CTCF: variants seen among roughly 807,000 people sequenced by gnomAD.
The protein encoded by CTCF is transcriptional repressor CTCF.
CTCF carries 7 observed loss-of-function variants against 72.3 expected under a neutral mutation model. The ratio of observed to expected loss-of-function variants is 0.10; its 90% CI spans 0.06 to 0.18. CTCF has a LOEUF of 0.18. CTCF is among the 10% of genes least tolerant of loss of function. The pLI is 1.00. For missense variants in CTCF, 516 were observed against 949.1 expected (o/e 0.54, Z 6.00); for synonymous variants, 374 against 315.8 (o/e 1.18, Z -1.95).
chr16:67,573,246 CA>C (rs1303938924), intron 2 of CTCF, among the ~76,000 whole-genome samples: 1 of 150,418 alleles, frequency 6.6e-6, no homozygotes, highest in Non-Finnish European at 1.5e-5. Context: ...GACTCTGTCT[CA>C]AAAAAACAAC....
chr16:67,636,559 G>T, intron 10 of CTCF, 131 bp from the exon 11 acceptor site: 15 of 260,052 alleles, frequency 5.8e-5, no homozygotes, highest in Non-Finnish European at 8.4e-5. Context: ...AAAAAAAAAA[G>T]AAAGAAAGTG....
chr16:67,628,628 A>G (rs563771339), intron 9 of CTCF, 76 bp downstream of exon 9: 1 of 1,435,126 alleles, frequency 7.0e-7, no homozygotes, highest in East Asian at 2.3e-5. Flanking sequence ...AGAGCATGGT[A>G]GTTTTTTTCA....
chr16:67,587,284 G>A (rs920569140), intron 2 of CTCF, among the ~76,000 whole-genome samples: 1 of 151,854 alleles, frequency 6.6e-6, no homozygotes, highest in Non-Finnish European at 1.5e-5. Flanking sequence ...GATTGTTGTC[G>A]AAGACATTAT....
chr16:67,597,881 A>G (rs1008049908), intron 2 of CTCF, among the ~76,000 whole-genome samples: 1 of 152,126 alleles, frequency 6.6e-6, no homozygotes, highest in Non-Finnish European at 1.5e-5. Context: ...AGCTTTATGG[A>G]TATAGATAAT....
At chr16:67,604,730 G>GTTTTT (rs533827293) in intron 2 of CTCF, among the ~76,000 whole-genome samples, 39 of 123,702 alleles carry the variant, frequency 3.2e-4, no homozygotes, top group African/African-American at 9.1e-4. Flanking sequence ...TTTCACCAGG[G>GTTTTT]TTTTTTTTTT....
intron 2 of CTCF, among the ~76,000 whole-genome samples, chr16:67,575,491 C>G (rs2051483282): frequency 6.6e-6 from 1 of 152,086 alleles, no homozygotes; most frequent in African/African-American, 2.4e-5. Flanking sequence ...TGTCGCCAGG[C>G]TGGAGTGCAG....
chr16:67,607,735 C>T lies in CTCF; in HGVS notation c.-9-3089C>T, dbSNP rs181080591. Among the ~76,000 whole-genome samples the T allele has an allele frequency of 3.4e-4, 51 of 151,182 alleles. No homozygotes were observed. The East Asian group carries it at 6.7e-3, about 20-fold the overall frequency. On this transcript the variant is annotated intron_variant, in intron 2 of 11. Transcript: ENST00000264010. The stretch of plus-strand genomic sequence containing the variant: ...GGGCACAGTGCTAAAGAGTAAAAAC[C>T]GTGGCTGGGCGTGGTGGCTCACGCC...
intron 2 of CTCF, among the ~76,000 whole-genome samples, chr16:67,586,603 A>G (rs62059332): frequency 1.1e-4 from 16 of 152,156 alleles, no homozygotes; most frequent in Non-Finnish European, 1.6e-4. Context: ...CTGAGGCACA[A>G]GAATTGCTTG....
chr16:67,574,029 CA>C (rs201099111), intron 2 of CTCF, among the ~76,000 whole-genome samples: 82 of 141,074 alleles, frequency 5.8e-4, no homozygotes, highest in South Asian at 4.1e-3. Context: ...GACTCCATCT[CA>C]AAAAAAAAAA....
intron 2 of CTCF, among the ~76,000 whole-genome samples, chr16:67,606,000 A>G (rs942116568): frequency 1.4e-4 from 21 of 152,202 alleles, no homozygotes; most frequent in African/African-American, 2.9e-4. Flanking sequence ...GTAGAGACAC[A>G]CTTTTTGAGG....
At chr16:67,569,464 G>A (rs1259720322) in intron 1 of CTCF, among the ~76,000 whole-genome samples, 1 of 152,170 alleles carries the variant, frequency 6.6e-6, no homozygotes, top group African/African-American at 2.4e-5. Context: ...GATTACAGGT[G>A]TGAGCCATTG....
chr16:67,629,746 C>CTTTTTTTTTTTTTTTT lies in CTCF; in HGVS notation c.1837+244_1837+259dup, dbSNP rs71145978. Among the ~76,000 whole-genome samples the CTTTTTTTTTTTTTTTT allele has an allele frequency of 1.6e-4, 10 of 63,362 alleles. 3 individuals are homozygous for CTTTTTTTTTTTTTTTT. The highest frequency in any genetic ancestry group is 4.6e-4 in the Admixed American group (2 of 4,334). 41.6% of individuals were successfully genotyped at this position (63,362 alleles called of 152,430 possible). A position where few individuals can be genotyped will look rare whatever the true frequency, so the allele number is the denominator to read the frequency against. ...TCGTGGCATTCCGCTCATTAATGCC[C>CTTTTTTTTTTTTTTTT]TTTTTTTTTTTTTTTTTTTTTTTTT... On this transcript the variant is annotated intron_variant, in intron 10 of 11. Coordinates refer to ENST00000264010, the MANE Select transcript of CTCF (RefSeq NM_006565.4).
intron 2 of CTCF, among the ~76,000 whole-genome samples, chr16:67,576,212 C>T (rs1337165058): frequency 6.8e-6 from 1 of 147,882 alleles, no homozygotes; most frequent in Non-Finnish European, 1.5e-5. Context: ...TTTTTAATAG[C>T]ATAATACCAA....
chr16:67,629,868 G>A (rs537351541), intron 10 of CTCF, among the ~76,000 whole-genome samples: 3 of 137,658 alleles, frequency 2.2e-5, no homozygotes, highest in East Asian at 2.3e-4. Flanking sequence ...TCAGCCTCCC[G>A]GGTTCACGCC....
chr16:67,579,036 C>T (rs1475728400), intron 2 of CTCF, among the ~76,000 whole-genome samples: 1 of 151,854 alleles, frequency 6.6e-6, no homozygotes, highest in African/African-American at 2.4e-5. Flanking sequence ...GCGTGGATCA[C>T]CTGAGGTCAG....
At chr16:67,579,342 A>G (rs1187508628) in intron 2 of CTCF, among the ~76,000 whole-genome samples, 2 of 151,990 alleles carry the variant, frequency 1.3e-5, no homozygotes, top group East Asian at 3.9e-4. Flanking sequence ...AGTTGTTTTC[A>G]ATCTTTGTTT....
intron 2 of CTCF, among the ~76,000 whole-genome samples, chr16:67,585,471 T>G (rs1302533847): frequency 2.6e-5 from 4 of 152,226 alleles, no homozygotes; most frequent in Non-Finnish European, 5.9e-5. Context: ...AATATTAAAG[T>G]TCAGTATCTA....
At chr16:67,587,737 G>A (rs1337309794) in intron 2 of CTCF, among the ~76,000 whole-genome samples, 2 of 151,858 alleles carry the variant, frequency 1.3e-5, no homozygotes, top group Non-Finnish European at 2.9e-5. Context: ...CTGCCTGGGT[G>A]ACATAGCAAG....
At chr16:67,580,973 C>G (rs1038180303) in intron 2 of CTCF, among the ~76,000 whole-genome samples, 1 of 151,260 alleles carries the variant, frequency 6.6e-6, no homozygotes, top group Non-Finnish European at 1.5e-5. Context: ...CTTTCGCCCA[C>G]GCGGGAGTGC....
Sources: gnomAD v4.1 joint callset for allele counts (sites outside exome capture counted in the v4.1 genomes callset) on GRCh38, gnomAD v4.1.1 for gene constraint, MANE v1.5 for transcripts, NCBI Gene and HGNC (gene_info 2026-07-23, HGNC 2026-07-21) for gene names.